Variants in ST3GAL2 observed in about 807,000 individuals in gnomAD.
The protein encoded by ST3GAL2 is CMP-N-acetylneuraminate-beta-galactosamide-alpha-2,3-sialyltransferase 2.
In ST3GAL2, 16 loss-of-function variants were observed where a neutral mutation model predicts 37.5. The observed-to-expected ratio is 0.43, with a 90% CI of 0.29 to 0.65. The LOEUF (loss-of-function observed/expected upper bound fraction) is 0.65. Among genes scored for constraint, ST3GAL2 ranks in the 30% least tolerant of loss-of-function variants. The probability of loss-of-function intolerance (pLI) is 0.17; values close to 1 mark genes in which losing one functional copy is unlikely to be tolerated. For synonymous variants in ST3GAL2, 238 were observed against 202.9 expected, an observed-to-expected ratio of 1.17 and a Z score of -1.47; for missense variants, 383 against 487.8, an observed-to-expected ratio of 0.79 and a Z score of 2.02.
At chr16:70,437,332 G>C (rs1281385070) in intron 1 of ST3GAL2, among the ~76,000 whole-genome samples, 1 of 152,132 alleles carries the variant, frequency 6.6e-6, no homozygotes, top group Non-Finnish European at 1.5e-5. Context: ...ACAGCCAAGG[G>C]GGAGGGCTGG....
intron 1 of ST3GAL2, among the ~76,000 whole-genome samples, chr16:70,429,981 T>C (rs2047778374): frequency 6.6e-6 from 1 of 152,154 alleles, no homozygotes; most frequent in South Asian, 2.1e-4. Flanking sequence ...GCAAGAATCC[T>C]ATATGCATTC....
chr16:70,430,612 T>G (rs2047783307), intron 1 of ST3GAL2, among the ~76,000 whole-genome samples: 1 of 152,172 alleles, frequency 6.6e-6, no homozygotes, highest in Non-Finnish European at 1.5e-5. Context: ...CCCTGAGCCA[T>G]GCTGGAGGCC....
intron 4 of ST3GAL2, 34 bp from the exon 5 acceptor site, chr16:70,383,269 G>C: frequency 1.3e-6 from 2 of 1,589,436 alleles, no homozygotes; most frequent in Non-Finnish European, 1.7e-6. Context: ...TAACATTTCA[G>C]GCTGGGCACG....
rs374804702 is a variant in ST3GAL2 at position 70,378,493 on chromosome 16, A to G, written c.*3196T>C. The G allele has an allele frequency of 7.0e-6, 1 of 143,794 alleles. No homozygotes were observed. The highest frequency in any genetic ancestry group is 2.6e-5 in the African/African-American group (1 of 38,184). The allele number at this position is 143,794 out of a possible 1,614,324, so 8.9% of individuals were successfully genotyped here. On this transcript the variant is annotated 3_prime_UTR_variant, in exon 7 of 7. Transcript: ENST00000342907. ...GCTGAGGCGGGGAGATCACGAGGTC[A>G]GGAGATGGAGACCATCCTGGCTAAC...
intron 3 of ST3GAL2, among the ~76,000 whole-genome samples, chr16:70,394,552 A>C (rs1442331427): frequency 2.0e-5 from 3 of 152,082 alleles, no homozygotes; most frequent in Non-Finnish European, 2.9e-5. Flanking sequence ...ATCTTTAAAA[A>C]TTTTTTGTAG....
chr16:70,428,786 A>G (rs1217149027), intron 1 of ST3GAL2, among the ~76,000 whole-genome samples: 2 of 151,672 alleles, frequency 1.3e-5, no homozygotes, highest in African/African-American at 4.9e-5. Flanking sequence ...CGGGTTCTCA[A>G]CTCCTCACAG....
At chr16:70,425,403 A>C (rs567255026) in intron 1 of ST3GAL2, among the ~76,000 whole-genome samples, 1 of 152,228 alleles carries the variant, frequency 6.6e-6, no homozygotes, top group African/African-American at 2.4e-5. Context: ...CAGAGGTTGC[A>C]GTGAGCTGAG....
intron 1 of ST3GAL2, among the ~76,000 whole-genome samples, chr16:70,414,127 A>G (rs961791205): frequency 7.2e-5 from 11 of 152,212 alleles, no homozygotes; most frequent in Non-Finnish European, 1.5e-5. Context: ...TGCCATCCTG[A>G]CTGGATGAAT....
chr16:70,387,597 A>G (rs1193103213), intron 4 of ST3GAL2, among the ~76,000 whole-genome samples: 1 of 152,172 alleles, frequency 6.6e-6, no homozygotes, highest in East Asian at 1.9e-4. Flanking sequence ...AATTGTAGTC[A>G]TGGTTATACA....
chr16:70,383,493 A>T (rs1251248449), intron 4 of ST3GAL2, among the ~76,000 whole-genome samples: 1 of 146,630 alleles, frequency 6.8e-6, no homozygotes, highest in Non-Finnish European at 1.5e-5. Flanking sequence ...CTGAGGTTTC[A>T]GTGCGCCGAG....
intron 1 of ST3GAL2, among the ~76,000 whole-genome samples, chr16:70,409,179 T>G (rs1352890184): frequency 6.6e-6 from 1 of 152,156 alleles, no homozygotes; most frequent in Non-Finnish European, 1.5e-5. Context: ...GGCTCACACC[T>G]ATAATCCCAG....
At chr16:70,386,325 C>G (rs1376496811) in intron 4 of ST3GAL2, among the ~76,000 whole-genome samples, 2 of 152,048 alleles carry the variant, frequency 1.3e-5, no homozygotes, top group Non-Finnish European at 2.9e-5. Context: ...GTAGCTGGGA[C>G]TACAGGTGCC....
At chr16:70,398,164 A>C (rs766017038) in intron 2 of ST3GAL2, 28 bp downstream of exon 2, 1 of 1,600,124 alleles carries the variant, frequency 6.2e-7, no homozygotes, top group Admixed American at 1.7e-5. Context: ...TGGGGGACAG[A>C]TCCCTGGAAG....
intron 4 of ST3GAL2, among the ~76,000 whole-genome samples, chr16:70,386,355 T>C (rs1361137127): frequency 6.6e-6 from 1 of 151,616 alleles, no homozygotes; most frequent in Non-Finnish European, 1.5e-5. Flanking sequence ...GGCCGGCTAA[T>C]TTTTTTTTAT....
At chr16:70,392,684 C>G (rs1427628423) in intron 3 of ST3GAL2, among the ~76,000 whole-genome samples, 2 of 152,204 alleles carry the variant, frequency 1.3e-5, no homozygotes, top group African/African-American at 4.8e-5. Context: ...ATCAGGCCAT[C>G]ATCTCGCTGT....
rs1173306093 is a variant in ST3GAL2 at position 70,429,588 on chromosome 16, C to CAAAAAAAA, written c.-1004+9353_-1004+9360dup. Among the ~76,000 whole-genome samples, 18 of 36,064 alleles carry CAAAAAAAA rather than the reference C, an allele frequency of 5.0e-4. 1 individual carries two copies. The highest frequency in any genetic ancestry group is 1.5e-3 in the African/African-American group (16 of 10,406). 23.7% of individuals were successfully genotyped at this position (36,064 alleles called of 152,430 possible). On this transcript the variant is annotated intron_variant, in intron 1 of 6. Transcript: ENST00000342907. ...TGGGCAACAGAGCAAGACTCTGTCT[C>CAAAAAAAA]AAAAAAAAAAAAAAAAAAAAGAGTG...
Position 70,377,030 on chromosome 16 carries a change from C to G in ST3GAL2, c.*4659G>C, listed in dbSNP as rs969270909. 1 of 151,810 alleles carries G rather than the reference C, an allele frequency of 6.6e-6. No individual in the cohort carries two copies. The highest frequency in any genetic ancestry group is 6.6e-5 in the Admixed American group (1 of 15,198). 9.4% of individuals were successfully genotyped at this position (151,810 alleles called of 1,614,324 possible). ...TGCTGGGATTATAGGCATGAGCCAC[C>G]GTGCCTGGCCATAAAATGTTTTTAA... On this transcript the variant is annotated 3_prime_UTR_variant, in exon 7 of 7. Transcript: ENST00000342907.
At chr16:70,417,812 C>T (rs892417969) in intron 1 of ST3GAL2, among the ~76,000 whole-genome samples, 3 of 146,128 alleles carry the variant, frequency 2.1e-5, no homozygotes, top group Non-Finnish European at 3.0e-5. Flanking sequence ...CATGGCGTGG[C>T]TGGGGGGGCG....
intron 1 of ST3GAL2, among the ~76,000 whole-genome samples, chr16:70,405,256 G>A (rs2047581740): frequency 6.6e-6 from 1 of 151,970 alleles, no homozygotes; most frequent in East Asian, 1.9e-4. Flanking sequence ...AAGGAGCCAG[G>A]CACAGCCTGG....
Sources: gnomAD v4.1 joint callset for allele counts (sites outside exome capture counted in the v4.1 genomes callset) on GRCh38, gnomAD v4.1.1 for gene constraint, MANE v1.5 for transcripts, NCBI Gene and HGNC (gene_info 2026-07-23, HGNC 2026-07-21) for gene names.